Variants in EFCAB6 observed in about 807,000 individuals in gnomAD.
EFCAB6 encodes EF-hand calcium-binding domain-containing protein 6.
Under a neutral mutation model 169.8 loss-of-function variants are expected in EFCAB6, and 156 were observed. The observed-to-expected ratio is 0.92, with a 90% CI of 0.81 to 1.05. The LOEUF is 1.05. EFCAB6 is among the 50% of genes least tolerant of loss of function. EFCAB6 has a pLI of 0.00. For missense variants in EFCAB6, 1,800 were observed against 1,829.1 expected (o/e 0.98, Z 0.29); for synonymous variants, 698 against 676.4 (o/e 1.03, Z -0.50).
Position 43,602,813 on chromosome 22 carries a change from G to A in EFCAB6, c.2682-2550C>T, listed in dbSNP as rs374115363. Among the ~76,000 whole-genome samples, 3 of 152,058 alleles carry A rather than the reference G, an allele frequency of 2.0e-5. No homozygotes were observed. The East Asian group carries it at 5.8e-4, about 29-fold the overall frequency. On this transcript the variant is annotated intron_variant, in intron 22 of 31. Coordinates refer to ENST00000262726, the MANE Select transcript of EFCAB6 (RefSeq NM_022785.4). ...CTTCCTTTGAGCTCCTCAAGGCGCGGTGAGGACCCGACGGGTTAGTGCATT... is the reference window on the plus strand; with the variant it reads ...CTTCCTTTGAGCTCCTCAAGGCGCGATGAGGACCCGACGGGTTAGTGCATT...
At chr22:43,577,788 C>T (rs1170086410) in intron 25 of EFCAB6, among the ~76,000 whole-genome samples, 1 of 151,924 alleles carries the variant, frequency 6.6e-6, no homozygotes, top group East Asian at 1.9e-4. Context: ...CCCCTCCTCA[C>T]TCCTTCCCTC....
intron 10 of EFCAB6, among the ~76,000 whole-genome samples, chr22:43,696,920 A>G (rs137809): frequency 0.99 from 150,819 of 152,322 alleles, 74,667 homozygotes; most frequent in East Asian, 1. Context: ...ATACACTTAA[A>G]AATGAATTTA....
intron 6 of EFCAB6, among the ~76,000 whole-genome samples, chr22:43,750,982 C>CG: frequency 6.6e-6 from 1 of 152,338 alleles, no homozygotes; most frequent in South Asian, 2.1e-4. Flanking sequence ...CAGTGTCCAA[C>CG]AGACACGCTT....
chr22:43,717,166 C>A (rs2059359327), intron 8 of EFCAB6, among the ~76,000 whole-genome samples, 194 bp from the exon 9 acceptor site: 1 of 152,050 alleles, frequency 6.6e-6, no homozygotes, highest in African/African-American at 2.4e-5. Context: ...ATCATCTACT[C>A]ACTATCTTAC....
chr22:43,710,505 T>C (rs2059121739), intron 10 of EFCAB6, among the ~76,000 whole-genome samples: 1 of 152,198 alleles, frequency 6.6e-6, no homozygotes, highest in African/African-American at 2.4e-5. Flanking sequence ...AACCAGCTCA[T>C]TATTTTGCAA....
chr22:43,645,914 T>G (rs2056126231), intron 17 of EFCAB6, among the ~76,000 whole-genome samples: 1 of 151,908 alleles, frequency 6.6e-6, no homozygotes, highest in African/African-American at 2.4e-5. Flanking sequence ...CACCTTTCAA[T>G]GTCAAGGGGA....
chr22:43,666,579 G>A (rs527960996), intron 17 of EFCAB6, among the ~76,000 whole-genome samples: 1 of 151,942 alleles, frequency 6.6e-6, no homozygotes, highest in African/African-American at 2.4e-5. Flanking sequence ...ATTAATTCCT[G>A]AGAAGTCTAT....
intron 9 of EFCAB6, among the ~76,000 whole-genome samples, chr22:43,716,452 T>C (rs1346329238): frequency 6.6e-6 from 1 of 152,172 alleles, no homozygotes; most frequent in Non-Finnish European, 1.5e-5. Context: ...TCCTCTATTA[T>C]AATTTTTCAG....
intron 15 of EFCAB6, among the ~76,000 whole-genome samples, chr22:43,669,989 T>C (rs1302718697): frequency 1.3e-5 from 2 of 152,042 alleles, no homozygotes; most frequent in Admixed American, 6.6e-5. Context: ...CTTGTGTAGA[T>C]TGTGCTTTCT....
chr22:43,724,948 C>T (rs1240072216), intron 8 of EFCAB6, among the ~76,000 whole-genome samples: 1 of 152,144 alleles, frequency 6.6e-6, no homozygotes, highest in Non-Finnish European at 1.5e-5. Context: ...TTTTATGTTG[C>T]TGTAACTACA....
chr22:43,749,178 G>C (rs1485748237), intron 6 of EFCAB6, among the ~76,000 whole-genome samples: 2 of 152,080 alleles, frequency 1.3e-5, no homozygotes, highest in African/African-American at 4.8e-5. Flanking sequence ...AATCAAGACT[G>C]GTCCTTGGTT....
chr22:43,805,831 G>A (rs1372961783), intron 2 of EFCAB6, among the ~76,000 whole-genome samples: 1 of 152,006 alleles, frequency 6.6e-6, no homozygotes, highest in African/African-American at 2.4e-5. Context: ...CTATGTACAT[G>A]GATTATGCAT....
At chr22:43,578,597 A>C (rs1343456537) in intron 25 of EFCAB6, among the ~76,000 whole-genome samples, 1 of 152,078 alleles carries the variant, frequency 6.6e-6, no homozygotes, top group East Asian at 1.9e-4. Context: ...GGACACCAGC[A>C]CAGTCCACAG....
At chr22:43,690,951 A>T (rs1439318381) in intron 10 of EFCAB6, among the ~76,000 whole-genome samples, 1 of 151,956 alleles carries the variant, frequency 6.6e-6, no homozygotes, top group Non-Finnish European at 1.5e-5. Flanking sequence ...CTTCCATTAT[A>T]GCACTTATTA....
At chr22:43,592,652 G>C (rs1163767979) in intron 23 of EFCAB6, among the ~76,000 whole-genome samples, 1 of 152,140 alleles carries the variant, frequency 6.6e-6, no homozygotes, top group Non-Finnish European at 1.5e-5. Context: ...CTGGGTCTAT[G>C]TCCAGTTCCT....
At chr22:43,678,256 C>A (rs560853214) in intron 12 of EFCAB6, 93 bp from the exon 13 acceptor site, 17 of 1,262,908 alleles carry the variant, frequency 1.3e-5, no homozygotes, top group Non-Finnish European at 1.8e-5. Flanking sequence ...TAATAAAGAG[C>A]GAGCTTTGGC....
At chr22:43,679,065 T>G (rs749181476) in intron 12 of EFCAB6, among the ~76,000 whole-genome samples, 15 of 152,206 alleles carry the variant, frequency 9.9e-5, no homozygotes, top group South Asian at 6.2e-4. Context: ...CTTTAATACA[T>G]TTAAAGCATT....
At chr22:43,617,394 T>C (rs1174865242) in intron 20 of EFCAB6, among the ~76,000 whole-genome samples, 1 of 152,244 alleles carries the variant, frequency 6.6e-6, no homozygotes, top group Admixed American at 6.5e-5. Context: ...GTTGATCTCA[T>C]GGTCTAAACA....
chr22:43,664,252 G>A (rs893139450), intron 17 of EFCAB6, among the ~76,000 whole-genome samples: 3 of 152,202 alleles, frequency 2.0e-5, no homozygotes, highest in Non-Finnish European at 4.4e-5. Flanking sequence ...ATGTCCATCA[G>A]TCCTCAGGGT....
Sources: gnomAD v4.1 joint callset for allele counts (sites outside exome capture counted in the v4.1 genomes callset) on GRCh38, gnomAD v4.1.1 for gene constraint, MANE v1.5 for transcripts, NCBI Gene and HGNC (gene_info 2026-07-23, HGNC 2026-07-21) for gene names.